Variants in LGI1 observed in about 807,000 individuals in gnomAD.
The protein encoded by LGI1 is leucine rich glioma inactivated 1.
Under a neutral mutation model 57.7 loss-of-function variants are expected in LGI1, and 11 were observed. The observed-to-expected ratio is 0.19, with a 90% CI of 0.12 to 0.32. LGI1 has a LOEUF of 0.32. Ranked by LOEUF, LGI1 falls within the 10% of genes least tolerant of loss-of-function variation. The pLI, the probability that LGI1 is intolerant of heterozygous loss-of-function variation, is 1.00. For synonymous variants in LGI1, 222 were observed against 241.9 expected (o/e 0.92, Z 0.76); for missense variants, 422 against 661.9 (o/e 0.64, Z 3.98).
At chr10:93,774,696 C>A (rs191723070) in intron 2 of LGI1, among the ~76,000 whole-genome samples, 57 of 152,290 alleles carry the variant, frequency 3.7e-4, no homozygotes, top group Non-Finnish European at 4.3e-4. Flanking sequence ...CAGTGTAGAA[C>A]ACGGCCACCC....
chr10:93,773,855 G>A (rs573574893), intron 2 of LGI1, among the ~76,000 whole-genome samples: 6 of 152,330 alleles, frequency 3.9e-5, no homozygotes, highest in African/African-American at 1.2e-4. Flanking sequence ...CTGGGGCAGA[G>A]GGCAAATTCC....
intron 4 of LGI1, among the ~76,000 whole-genome samples, chr10:93,779,557 A>C (rs1377013763): frequency 1.3e-5 from 2 of 151,796 alleles, no homozygotes; most frequent in African/African-American, 4.8e-5. Flanking sequence ...GGGAAGGGGA[A>C]GAGGAAAAAG....
At chr10:93,795,523 A>G (rs1042269858) in intron 7 of LGI1, among the ~76,000 whole-genome samples, 1 of 152,170 alleles carries the variant, frequency 6.6e-6, no homozygotes, top group African/African-American at 2.4e-5. Flanking sequence ...TCTTAATACT[A>G]TTACACTGGG....
intron 2 of LGI1, among the ~76,000 whole-genome samples, chr10:93,775,575 A>T (rs936927043): frequency 6.6e-6 from 1 of 152,212 alleles, no homozygotes; most frequent in African/African-American, 2.4e-5. Flanking sequence ...ACAAATATTT[A>T]TTCAGTGTCC....
In LGI1 at chr10:93,780,980, C is replaced by T. The variant is rs571070529; in HGVS notation, c.431+3363C>T. ...TGCGCCTTTATATAAATTTAGTTCA[C>T]GCCTAAGAAACAATGCACTTTCTCA... On this transcript the variant is annotated intron_variant, in intron 4 of 7. Coordinates refer to ENST00000371418, the MANE Select transcript of LGI1 (RefSeq NM_005097.4). Among the ~76,000 whole-genome samples the T allele has an allele frequency of 1.2e-4, 18 of 152,262 alleles. 1 individual carries two copies. The highest frequency in any genetic ancestry group is 1.9e-4 in the East Asian group (1 of 5,174).
chr10:93,777,521 C>A, intron 3 of LGI1, 25 bp from the exon 4 acceptor site: 1 of 1,611,008 alleles, frequency 6.2e-7, no homozygotes, highest in South Asian at 1.1e-5. Context: ...AACTGTTTGA[C>A]AAAAAATATT....
At chr10:93,789,148 TAGAAAG>T (rs2059914556) in intron 4 of LGI1, 1 of 145,776 alleles carries the variant, frequency 6.9e-6, no homozygotes, top group Non-Finnish European at 1.5e-5. Flanking sequence ...GAAGAACAAA[TAGAAAG>T]GGAAAGGGAA....
At chr10:93,784,799 GGTGACACTCTCTCAAGTC>G (rs1428132062) in intron 4 of LGI1, among the ~76,000 whole-genome samples, 1 of 151,874 alleles carries the variant, frequency 6.6e-6, no homozygotes, top group Non-Finnish European at 1.5e-5. Context: ...TGCAATTCAG[GGTGACACTCTCTCAAGTC>G]GTGACACTCT....
rs1229871488 is a variant in LGI1, at chr10:93,797,846, C to T, written c.*43C>T. ...CTGCCATCAGAAATTTTCTACAGTA[C>T]ATGACCCGGATGAACTCAATGCATG... On this transcript the variant is annotated 3_prime_UTR_variant, in exon 8 of 8. Transcript: ENST00000371418. This position sits in a 1 kb window ranked among gnomAD's most constrained non-coding sequence, Gnocchi z 6.5. 7.4e-7 allele frequency: 1 copy of T among 1,351,634 alleles called. No individual in the cohort carries two copies. The highest frequency in any genetic ancestry group is 2.3e-5 in the East Asian group (1 of 43,712). 83.7% of individuals were successfully genotyped at this position (1,351,634 alleles called of 1,614,324 possible). A position where few individuals can be genotyped will look rare whatever the true frequency, so the allele number is the denominator to read the frequency against.
intron 6 of LGI1, 104 bp downstream of exon 6, chr10:93,793,016 G>C (rs2059949536): frequency 2.3e-6 from 3 of 1,323,146 alleles, no homozygotes; most frequent in Middle Eastern, 2.1e-4. Flanking sequence ...AACTAGCTGA[G>C]CAACTTAATT....
At position 93,758,607 on chromosome 10, in the gene LGI1, C is replaced by G; in HGVS notation, c.216-153C>G. ...ACCTGTAGCCGATTCATTTCTCTTA[C>G]TTCATCTGGGAAGGAATAGTATCGT... On this transcript the variant is annotated intron_variant, in intron 1 of 7. Coordinates refer to ENST00000371418, the MANE Select transcript of LGI1 (RefSeq NM_005097.4). This position sits in a 1 kb window ranked among gnomAD's most constrained non-coding sequence, Gnocchi z 4.7. 1.4e-6 allele frequency: 1 copy of G among 702,782 alleles called. No homozygotes were observed. The allele number at this position is 702,782 out of a possible 1,614,324, so 43.5% of individuals were successfully genotyped here. A position where few individuals can be genotyped will look rare whatever the true frequency, so the allele number is the denominator to read the frequency against.
chr10:93,783,397 AAT>A (rs1451354417), intron 4 of LGI1, among the ~76,000 whole-genome samples: 1 of 152,182 alleles, frequency 6.6e-6, no homozygotes, highest in Non-Finnish European at 1.5e-5. Flanking sequence ...TAAGTAAATA[AAT>A]AAATAAAAGA....
At chr10:93,776,251 C>A (rs1383872806) in intron 2 of LGI1, among the ~76,000 whole-genome samples, 2 of 152,066 alleles carry the variant, frequency 1.3e-5, no homozygotes, top group Non-Finnish European at 2.9e-5. Context: ...TTGGTTCATT[C>A]CTACCCCCCA....
At chr10:93,796,354 G>A (rs1047839569) in intron 7 of LGI1, among the ~76,000 whole-genome samples, 3 of 152,202 alleles carry the variant, frequency 2.0e-5, no homozygotes, top group South Asian at 2.1e-4. Context: ...AGACCACAAC[G>A]CTAGCCTTTG....
chr10:93,793,718 A>ACT (rs980926412), intron 7 of LGI1, among the ~76,000 whole-genome samples: 22 of 152,186 alleles, frequency 1.4e-4, no homozygotes, highest in African/African-American at 5.3e-4. Flanking sequence ...AGCTGCTCAT[A>ACT]CTCACTGACA....
At chr10:93,771,594 CA>C (rs1393736201) in intron 2 of LGI1, 3 of 152,140 alleles carry the variant, frequency 2.0e-5, no homozygotes, top group Admixed American at 2.0e-4. Context: ...GTGACGGTTA[CA>C]CCAAAAGCCC....
chr10:93,775,599 C>T (rs2059787087), intron 2 of LGI1, among the ~76,000 whole-genome samples: 1 of 152,136 alleles, frequency 6.6e-6, no homozygotes, highest in Admixed American at 6.6e-5. Flanking sequence ...AGAGGACAGG[C>T]GCTGTATCAC....
intron 2 of LGI1, chr10:93,764,619 A>G (rs1021625154): frequency 6.6e-6 from 1 of 152,110 alleles, no homozygotes; most frequent in African/African-American, 2.4e-5. Flanking sequence ...TCAAATCCCC[A>G]CTCTGCTTCT....
chr10:93,771,071 A>G (rs932676497), intron 2 of LGI1: 2 of 152,204 alleles, frequency 1.3e-5, no homozygotes, highest in South Asian at 2.1e-4. Flanking sequence ...AATAAATCGA[A>G]GATTTGATCC....
Sources: allele counts gnomAD v4.1 joint callset (sites outside exome capture counted in the v4.1 genomes callset), GRCh38; gene constraint gnomAD v4.1.1; non-coding constraint Gnocchi (gnomAD v3.1); transcripts MANE v1.5; gene names NCBI Gene and HGNC (gene_info 2026-07-23, HGNC 2026-07-21).